KIF13A: variants seen among roughly 807,000 people sequenced by gnomAD.
The protein encoded by KIF13A is kinesin family member 13A, also known as kinesin-like protein KIF13A.
Under a neutral mutation model 212.2 loss-of-function variants are expected in KIF13A, and 79 were observed. That is an observed-to-expected ratio of 0.37 (90% CI 0.31 to 0.45). The LOEUF is 0.45. KIF13A is among the 20% of genes least tolerant of loss of function. The pLI is 1.00. For missense variants in KIF13A, 1,901 were observed against 2,209.0 expected (o/e 0.86, Z 2.79); for synonymous variants, 789 against 808.6 (o/e 0.98, Z 0.41).
chr6:17,850,033 T>C lies in KIF13A; in HGVS notation c.717+290A>G, dbSNP rs1361896668. On this transcript the variant is annotated intron_variant, in intron 8 of 38. Transcript: ENST00000259711. This position sits in a 1 kb window ranked among gnomAD's most constrained non-coding sequence, Gnocchi z 6.2. ...GTAGAGTCTGGGTGTTGCTATATTG[T>C]ACAAGATGGTCATGAACTTCTGCCC... Among the ~76,000 whole-genome samples, 24 of 152,194 alleles carry C rather than the reference T, an allele frequency of 1.6e-4. No individual in the cohort carries two copies.
intron 25 of KIF13A, among the ~76,000 whole-genome samples, chr6:17,790,520 A>G (rs1342171225): frequency 6.6e-6 from 1 of 152,222 alleles, no homozygotes; most frequent in Non-Finnish European, 1.5e-5. Context: ...GGGGTAGACT[A>G]TTTGACTGAG....
At chr6:17,907,118 G>C (rs1002136013) in intron 2 of KIF13A, among the ~76,000 whole-genome samples, 1 of 152,122 alleles carries the variant, frequency 6.6e-6, no homozygotes, top group African/African-American at 2.4e-5. Context: ...TGCCAGATAG[G>C]TTTCTGTTAC....
chr6:17,866,477 T>G (rs758644644), intron 4 of KIF13A, among the ~76,000 whole-genome samples: 3 of 152,104 alleles, frequency 2.0e-5, no homozygotes, highest in Non-Finnish European at 2.9e-5. Context: ...TTAACTAACA[T>G]CCACATTTAC....
At chr6:17,781,038 T>A (rs1406754370) in intron 30 of KIF13A, 132 bp from the exon 31 acceptor site, 14 of 1,375,740 alleles carry the variant, frequency 1.0e-5, no homozygotes, top group African/African-American at 4.3e-5. Context: ...TCACCTTTTT[T>A]AAACAGCAAC....
At chr6:17,913,139 T>C (rs1190857611) in intron 2 of KIF13A, among the ~76,000 whole-genome samples, 2 of 151,900 alleles carry the variant, frequency 1.3e-5, no homozygotes, top group Non-Finnish European at 2.9e-5. Flanking sequence ...TTGTAGCTTC[T>C]GAATAAACTG....
chr6:17,785,712 A>G lies in KIF13A; in HGVS notation c.3362-71T>C. 4 of 1,520,766 alleles carry G rather than the reference A, an allele frequency of 2.6e-6. No homozygotes were observed. Among genetic ancestry groups the G allele is most frequent in the Non-Finnish European group, 3.6e-6 (4 of 1,118,656 alleles). 94.2% of individuals were successfully genotyped at this position (1,520,766 alleles called of 1,614,324 possible). ...TGACTTCTCAGTTTACAAGGAATAG[A>G]TTTCAGCCTGGGCAACATAGTGAGA... On this transcript the variant is annotated intron_variant, in intron 27 of 38. Transcript: ENST00000259711. The surrounding 1 kb of genome is among the most constrained non-coding windows in gnomAD (Gnocchi z 5.8).
At position 17,984,545 on chromosome 6, in the gene KIF13A, G is replaced by T; in HGVS notation, c.146+2509C>A. 1.0e-6 allele frequency: 1 copy of T among 983,192 alleles called. No homozygotes were observed. The highest frequency in any genetic ancestry group is 1.2e-6 in the Non-Finnish European group (1 of 829,278). The allele number at this position is 983,192 out of a possible 1,614,324, so 60.9% of individuals were successfully genotyped here. ...TCCTAGCTACACAGTCTTGGCTTTG[G>T]TTTTGTAAAATGGGGAAACAATGAA... On this transcript the variant is annotated intron_variant, in intron 2 of 38. Transcript: ENST00000259711. The surrounding 1 kb of genome is among the most constrained non-coding windows in gnomAD (Gnocchi z 5.0).
intron 23 of KIF13A, among the ~76,000 whole-genome samples, chr6:17,796,009 G>A (rs1762001068): frequency 6.6e-6 from 1 of 152,184 alleles, no homozygotes; most frequent in Non-Finnish European, 1.5e-5. Context: ...ACATAGAGAT[G>A]TAGTTGTTTC....
intron 26 of KIF13A, 132 bp from the exon 27 acceptor site, chr6:17,788,007 A>G: frequency 1.6e-6 from 1 of 620,476 alleles, no homozygotes. Context: ...TTGCTGTGTG[A>G]TTAATATGCA....
At chr6:17,946,148 G>C (rs577799024) in intron 2 of KIF13A, among the ~76,000 whole-genome samples, 1 of 152,212 alleles carries the variant, frequency 6.6e-6, no homozygotes, top group African/African-American at 2.4e-5. Context: ...TAGGGATGAA[G>C]TCTTGCTTTG....
chr6:17,956,477 CA>C (rs1778364165), intron 2 of KIF13A, among the ~76,000 whole-genome samples: 2 of 152,294 alleles, frequency 1.3e-5, no homozygotes, highest in African/African-American at 4.8e-5. Context: ...AAGATGGAAA[CA>C]AACCCAATAT....
rs373276883 is a variant in KIF13A at position 17,779,031 on chromosome 6, T to G, written c.4008A>C (p.Thr1336=). 5.3e-5 allele frequency: 86 copies of G among 1,613,604 alleles called. No individual in the cohort carries two copies. The highest frequency in any genetic ancestry group is 7.0e-5 in the Non-Finnish European group (83 of 1,179,848). Residue 1336 remains threonine (T), a synonymous_variant, in exon 33 of 39, where the codon ACA becomes ACC. Coordinates refer to ENST00000259711, the MANE Select transcript of KIF13A (RefSeq NM_022113.6). ...LLAARSENEG[T]SDGETYIEKY... Reference sequence around the variant, plus strand: ...TCTCAATGTACGTCTCCCCATCTGATGTGCCTTCGTTTTCACTCCTTGCTG... The same window carrying G: ...TCTCAATGTACGTCTCCCCATCTGAGGTGCCTTCGTTTTCACTCCTTGCTG...
At position 17,766,659 on chromosome 6, in the gene KIF13A, A is replaced by G. The variant is rs147290708; in HGVS notation, c.4582-1713T>C. ...AGCCTCAAACTCCTGGGCTCAAGCA[A>G]TCCTCCAATCTCTGCCTCCTGAGTA... is the stretch of plus-strand genomic sequence containing the variant. On this transcript the variant is annotated intron_variant, in intron 38 of 38. Coordinates refer to ENST00000259711, the MANE Select transcript of KIF13A (RefSeq NM_022113.6). Among the ~76,000 whole-genome samples, 74 of 152,166 alleles carry G rather than the reference A, an allele frequency of 4.9e-4. 2 individuals are homozygous for G. The East Asian group carries it at 0.014, about 29-fold the overall frequency.
At chr6:17,925,956 C>T (rs1775463856) in intron 2 of KIF13A, among the ~76,000 whole-genome samples, 1 of 152,148 alleles carries the variant, frequency 6.6e-6, no homozygotes, top group Admixed American at 6.5e-5. Context: ...CTAAATATGT[C>T]AGTTACTACT....
chr6:17,980,410 T>G (rs954587110), intron 2 of KIF13A, among the ~76,000 whole-genome samples: 1 of 151,952 alleles, frequency 6.6e-6, no homozygotes, highest in Non-Finnish European at 1.5e-5. Context: ...AATAGAAAAA[T>G]AGGAGATTCC....
At chr6:17,833,138 G>A (rs564609293) in intron 12 of KIF13A, among the ~76,000 whole-genome samples, 6 of 151,204 alleles carry the variant, frequency 4.0e-5, no homozygotes, top group South Asian at 4.2e-4. Context: ...TATCTAACAC[G>A]TCTAGCAAAT....
intron 2 of KIF13A, among the ~76,000 whole-genome samples, chr6:17,976,423 G>A (rs1780491057): frequency 6.6e-6 from 1 of 152,240 alleles, no homozygotes; most frequent in African/African-American, 2.4e-5. Flanking sequence ...CGCAGCCGCT[G>A]GCCCGGGTGC....
rs1239076609 is a variant in KIF13A at position 17,912,619 on chromosome 6, A to T, written c.147-14439T>A. Among the ~76,000 whole-genome samples, 1 of 152,156 alleles carries T rather than the reference A, an allele frequency of 6.6e-6. No individual in the cohort carries two copies. Among genetic ancestry groups the T allele is most frequent in the Non-Finnish European group, 1.5e-5 (1 of 68,026 alleles). ...TATTTGGGACATGCCACCCTTGTTG[A>T]GTTTTATCATGCATCTTCAAGTCTC... On this transcript the variant is annotated intron_variant, in intron 2 of 38. Transcript: ENST00000259711. The surrounding 1 kb of genome is among the most constrained non-coding windows in gnomAD (Gnocchi z 4.2).
intron 3 of KIF13A, among the ~76,000 whole-genome samples, chr6:17,893,455 T>C (rs1337358201): frequency 6.6e-6 from 1 of 152,240 alleles, no homozygotes; most frequent in Non-Finnish European, 1.5e-5. Context: ...TTGACCTTTT[T>C]TCTGCCACCT....
Sources: allele counts gnomAD v4.1 joint callset (sites outside exome capture counted in the v4.1 genomes callset), GRCh38; gene constraint gnomAD v4.1.1; non-coding constraint Gnocchi (gnomAD v3.1); transcripts MANE v1.5; gene names NCBI Gene and HGNC (gene_info 2026-07-23, HGNC 2026-07-21).